Variants in ALMS1 observed in about 807,000 individuals in gnomAD.
ALMS1 encodes the protein centrosome-associated protein ALMS1.
Under a neutral mutation model 352.2 loss-of-function variants are expected in ALMS1, and 271 were observed. That is an observed-to-expected ratio of 0.77 (90% confidence interval 0.70 to 0.85). The LOEUF is 0.85. Among genes scored for constraint, ALMS1 ranks in the 40% least tolerant of loss-of-function variants. The pLI is 0.00. For missense variants in ALMS1, 5,445 were observed against 4,870.7 expected (o/e 1.12, Z -3.51); for synonymous variants, 1,865 against 1,761.2 (o/e 1.06, Z -1.48).
intron 9 of ALMS1, among the ~76,000 whole-genome samples, chr2:73,456,340 A>G (rs1294406910): frequency 1.3e-5 from 2 of 152,112 alleles, no homozygotes; most frequent in African/African-American, 2.4e-5. Flanking sequence ...GTTCCTTATT[A>G]CTGTACAGTA....
Position 73,451,571 on chromosome 2 carries a change from A to C in ALMS1, c.5044A>C (p.Ser1682Arg), listed in dbSNP as rs752723813. The C allele has an allele frequency of 1.9e-6, 3 of 1,613,984 alleles. No individual in the cohort carries two copies. In the South Asian group the frequency reaches 3.3e-5, roughly 18 times the overall value. Residue 1682 changes from serine to arginine, a missense_variant, in exon 8 of 23, where the codon AGT becomes CGT. Transcript: ENST00000613296. Reference protein sequence around the residue: ...VIFYQQTLSDSHLPEEALKVP... With the variant: ...VIFYQQTLSDRHLPEEALKVP... ...TTTCTACCAGCAGACCCTATCAGAC[A>C]GTCATTTACCTGAAGAAGCTCTGAA...
At chr2:73,562,147 G>A (rs1317126886) in intron 15 of ALMS1, among the ~76,000 whole-genome samples, 1 of 110,896 alleles carries the variant, frequency 9.0e-6, no homozygotes, top group Non-Finnish European at 2.0e-5. Context: ...ACAATTGTAT[G>A]TATGTATGTA....
intron 16 of ALMS1, among the ~76,000 whole-genome samples, chr2:73,580,755 G>T (rs1313674363): frequency 6.6e-6 from 1 of 152,024 alleles, no homozygotes; most frequent in Non-Finnish European, 1.5e-5. Flanking sequence ...TAAAGTTGTT[G>T]GTTTATTTAG....
intron 13 of ALMS1, among the ~76,000 whole-genome samples, chr2:73,554,866 A>C (rs552679279): frequency 1.3e-5 from 2 of 152,330 alleles, no homozygotes; most frequent in South Asian, 4.1e-4. Context: ...TCCACTGTAC[A>C]ATTAAAAAGA....
intron 16 of ALMS1, among the ~76,000 whole-genome samples, chr2:73,575,811 A>G (rs1675040298): frequency 6.6e-6 from 1 of 151,794 alleles, no homozygotes; most frequent in Non-Finnish European, 1.5e-5. Context: ...GTGTCTTCTG[A>G]CATATAGAAG....
At position 73,608,567 on chromosome 2, in the gene ALMS1, A is replaced by T. The variant is rs755160012; in HGVS notation, c.12455A>T (p.Tyr4152Phe). The T allele has an allele frequency of 6.2e-7, 1 of 1,613,360 alleles. No individual in the cohort carries two copies. Among genetic ancestry groups the T allele is most frequent in the Admixed American group, 1.7e-5 (1 of 60,008 alleles). The change falls in exon 22 of 23, where the codon TAT (tyrosine) becomes TTT (phenylalanine). Residue 4152 changes from tyrosine (Y) to phenylalanine (F), a missense_variant. Tyr to Phe is a conservative substitution (Grantham distance 22). Coordinates refer to ENST00000613296, the MANE Select transcript of ALMS1 (RefSeq NM_001378454.1). ...TCATACCGGCTGCGAGCCCAGCTAT[A>T]TAAAAAGGTCAGTGGGTCCTCTGTC... ...YKSYRLRAQLYKKRVTNQLLG... is the reference protein window; with the variant it reads ...YKSYRLRAQLFKKRVTNQLLG...
intron 10 of ALMS1, among the ~76,000 whole-genome samples, chr2:73,494,140 C>A (rs1018625897): frequency 6.6e-6 from 1 of 152,170 alleles, no homozygotes; most frequent in African/African-American, 2.4e-5. Flanking sequence ...CTTAGTGAGG[C>A]AGTGAGAGGG....
intron 4 of ALMS1, 30 bp downstream of exon 4, chr2:73,423,004 C>T (rs780997895): frequency 6.5e-7 from 1 of 1,540,690 alleles, no homozygotes; most frequent in Non-Finnish European, 9.0e-7. Flanking sequence ...TGTAACCTTT[C>T]TCACTTCTTG....
intron 10 of ALMS1, among the ~76,000 whole-genome samples, chr2:73,493,346 T>TAC (rs55857864): frequency 0.084 from 12,061 of 144,368 alleles, 481 homozygotes; most frequent in East Asian, 0.14. Context: ...TAAGGCAAAC[T>TAC]ACACACACAC....
At position 73,600,433 on chromosome 2, in the gene ALMS1, C is replaced by T. The variant is rs148641844; in HGVS notation, c.11669-245C>T. Reference sequence around the variant, plus strand: ...ATCCTTTACCCTTTGAACCCATATTCATTCTTCTTTCCCTCTCATACCTAA... The same window carrying T: ...ATCCTTTACCCTTTGAACCCATATTTATTCTTCTTTCCCTCTCATACCTAA... On this transcript the variant is annotated intron_variant, in intron 17 of 22. Coordinates refer to ENST00000613296, the MANE Select transcript of ALMS1 (RefSeq NM_001378454.1). Among the ~76,000 whole-genome samples, 222 of 152,250 alleles carry T rather than the reference C, an allele frequency of 1.5e-3. 1 individual carries two copies. Among genetic ancestry groups the T allele is most frequent in the African/African-American group, 4.6e-3 (191 of 41,538 alleles).
Position 73,449,089 on chromosome 2 carries a change from C to T in ALMS1, c.2562C>T (p.Thr854=), listed in dbSNP as rs1224727067. 2 of 1,613,932 alleles carry T rather than the reference C, an allele frequency of 1.2e-6. No individual in the cohort carries two copies. Among genetic ancestry groups the T allele is most frequent in the Non-Finnish European group, 1.7e-6 (2 of 1,179,980 alleles). Residue 854 remains threonine (T), a synonymous_variant, in exon 8 of 23, where the codon ACC becomes ACT. Transcript: ENST00000613296. ...ADGKTGTPAV[T]STSSASSSLG... ...GAAAGACTGGGACACCAGCTGTAAC[C>T]TCTACTTCCTCTGCGTCCTCTTCAC...
At chr2:73,531,798 G>A (rs553016987) in intron 11 of ALMS1, among the ~76,000 whole-genome samples, 1 of 152,362 alleles carries the variant, frequency 6.6e-6, no homozygotes, top group East Asian at 1.9e-4. Context: ...AGGTGAAGGG[G>A]AAGCAAGACA....
intron 16 of ALMS1, among the ~76,000 whole-genome samples, chr2:73,588,925 C>T (rs957660457): frequency 5.3e-5 from 8 of 151,894 alleles, no homozygotes; most frequent in South Asian, 4.1e-4. Flanking sequence ...AAATCCAAAG[C>T]GTAAATTTTT....
At chr2:73,468,679 CAT>C (rs1672407882) in intron 9 of ALMS1, among the ~76,000 whole-genome samples, 1 of 151,876 alleles carries the variant, frequency 6.6e-6, no homozygotes, top group African/African-American at 2.4e-5. Context: ...CACTTAGCCT[CAT>C]GTGGTTCATC....
intron 11 of ALMS1, among the ~76,000 whole-genome samples, chr2:73,523,414 A>G (rs1215872428): frequency 6.6e-6 from 1 of 152,292 alleles, no homozygotes; most frequent in Non-Finnish European, 1.5e-5. Context: ...TCATTGCCAA[A>G]ATGTCATCAG....
intron 10 of ALMS1, among the ~76,000 whole-genome samples, chr2:73,518,157 C>A (rs1015246226): frequency 1.3e-5 from 2 of 151,714 alleles, no homozygotes; most frequent in Non-Finnish European, 2.9e-5. Context: ...CTGTTGTTCC[C>A]CTCTTTGTGT....
intron 6 of ALMS1, among the ~76,000 whole-genome samples, chr2:73,431,284 G>T (rs981447088): frequency 4.6e-5 from 7 of 152,144 alleles, no homozygotes; most frequent in Non-Finnish European, 1.0e-4. Context: ...AATAGATATG[G>T]AATGTTCATT....
At chr2:73,589,459 C>CT (rs1299144576) in intron 16 of ALMS1, among the ~76,000 whole-genome samples, 3 of 152,142 alleles carry the variant, frequency 2.0e-5, no homozygotes, top group Admixed American at 2.0e-4. Flanking sequence ...CATGACCCCT[C>CT]TTTTTAAAAT....
At position 73,538,958 on chromosome 2, in the gene ALMS1, G is replaced by T. The variant is rs553727573; in HGVS notation, c.9907+4009G>T. Among the ~76,000 whole-genome samples, 929 of 152,292 alleles carry T rather than the reference G, an allele frequency of 6.1e-3. 2 individuals are homozygous for T. Among genetic ancestry groups the T allele is most frequent in the Middle Eastern group, 0.01 (3 of 294 alleles). The stretch of plus-strand genomic sequence containing the variant: ...GCCTCTGTAGACTCCACCTCTGGGG[G>T]CAGGGCATAGCCAAACAAAAGGCAG... On this transcript the variant is annotated intron_variant, in intron 12 of 22. Coordinates refer to ENST00000613296, the MANE Select transcript of ALMS1 (RefSeq NM_001378454.1).
Sources: gnomAD v4.1 joint callset for allele counts (sites outside exome capture counted in the v4.1 genomes callset) on GRCh38, gnomAD v4.1.1 for gene constraint, MANE v1.5 for transcripts, NCBI Gene and HGNC (gene_info 2026-07-23, HGNC 2026-07-21) for gene names.